The following RUBCN variants were observed in gnomAD, a reference collection of about 807,000 sequenced individuals.
RUBCN encodes rubicon autophagy regulator, also known as run domain Beclin-1-interacting and cysteine-rich domain-containing protein.
A neutral mutation model predicts 113.2 loss-of-function variants in RUBCN; 74 were observed. That is an observed-to-expected ratio of 0.65 (90% CI 0.54 to 0.79). The LOEUF (loss-of-function observed/expected upper bound fraction) is 0.79. Ranked by LOEUF, RUBCN falls within the 30% of genes least tolerant of loss-of-function variation. The probability of loss-of-function intolerance (pLI) is 0.00; values close to 1 mark genes in which losing one functional copy is unlikely to be tolerated. For missense variants in RUBCN, 1,109 were observed against 1,251.7 expected (o/e 0.89, Z 1.72); for synonymous variants, 480 against 490.0 (o/e 0.98, Z 0.27).
chr3:197,693,222 CTG>C (rs1722625862), intron 11 of RUBCN, among the ~76,000 whole-genome samples: 1 of 152,218 alleles, frequency 6.6e-6, no homozygotes, highest in Admixed American at 6.5e-5. Flanking sequence ...GAGTCTGTGA[CTG>C]TGCTGAGCAG....
upstream of RUBCN, among the ~76,000 whole-genome samples, chr3:197,737,421 A>G (rs1045717444): frequency 6.6e-6 from 1 of 151,288 alleles, no homozygotes; most frequent in African/African-American, 2.4e-5. Flanking sequence ...GGGCTCTCGG[A>G]AGATGGATGT....
intron 16 of RUBCN, among the ~76,000 whole-genome samples, chr3:197,678,806 TG>T (rs1720807563): frequency 6.6e-6 from 1 of 150,538 alleles, no homozygotes; most frequent in South Asian, 2.1e-4. Flanking sequence ...TCCTACGCTC[TG>T]ACAACTGGCT....
At chr3:197,743,412 C>A (rs957626396) in intron 1 of RUBCN, among the ~76,000 whole-genome samples, 13 of 151,528 alleles carry the variant, frequency 8.6e-5, no homozygotes, top group African/African-American at 2.9e-4. Context: ...CAGTGTCTTG[C>A]ACATAGGAGG....
chr3:197,749,776 A>C (rs796592343), upstream of RUBCN: 5 of 557,174 alleles, frequency 9.0e-6, no homozygotes, highest in African/African-American at 7.7e-5. Flanking sequence ...GCTAGGAGCG[A>C]GTCACGGCGC....
intron 11 of RUBCN, among the ~76,000 whole-genome samples, chr3:197,686,599 T>G (rs964926660): frequency 1.3e-5 from 2 of 152,224 alleles, no homozygotes; most frequent in African/African-American, 4.8e-5. Context: ...GAAACCCTAC[T>G]GAAGATCTGG....
At chr3:197,703,446 G>C (rs529868230) in intron 5 of RUBCN, 102 bp downstream of exon 5, 58 of 357,224 alleles carry the variant, frequency 1.6e-4, no homozygotes, top group African/African-American at 1.3e-3. Context: ...AAGCCTTTCA[G>C]CTCACAAAAA....
At chr3:197,684,331 C>T (rs1051441807) in intron 11 of RUBCN, 114 bp from the exon 12 acceptor site, 2 of 813,762 alleles carry the variant, frequency 2.5e-6, no homozygotes, top group South Asian at 2.7e-5. Flanking sequence ...CCAGGTGCCA[C>T]ACTCTATGCA....
rs555955740 is a variant in RUBCN at position 197,749,523 on chromosome 3, T to A, written c.-370A>T. 2.3e-5 allele frequency: 30 copies of A among 1,290,342 alleles called. No individual in the cohort carries two copies. The African/African-American group carries it at 4.1e-4, about 18-fold the overall frequency. 79.9% of individuals were successfully genotyped at this position (1,290,342 alleles called of 1,614,324 possible). A position where few individuals can be genotyped will look rare whatever the true frequency, so the allele number is the denominator to read the frequency against. ...AATCTACACTCGCAGGGGTCTGTCCTGCCTCCCGAGGCTGCGTTGCGGTGG... is the reference window on the plus strand; with the variant it reads ...AATCTACACTCGCAGGGGTCTGTCCAGCCTCCCGAGGCTGCGTTGCGGTGG... On this transcript the variant is annotated 5_prime_UTR_variant, in exon 1 of 21. Transcript: ENST00000273582.
At position 197,676,908 on chromosome 3, in the gene RUBCN, C is replaced by T. The variant is rs183738683; in HGVS notation, c.2623G>A (p.Ala875Thr). The T allele has an allele frequency of 7.4e-4, 1,192 of 1,614,192 alleles. 2 individuals carry two copies. Among genetic ancestry groups the T allele is most frequent in the Admixed American group, 6.8e-4 (41 of 60,028 alleles). ...ACCATGCATCTCTCCACATGGGTAG[C>T]CCCTGCCCTGGTGAGCTCAGCAAGC... The part of the protein sequence containing the change: ...PRLAELTRAG[A>T]THVERCMLCQ... Residue 875 changes from alanine (A) to threonine (T), a missense_variant, in exon 18 of 20, where the codon GCT becomes ACT. Physicochemically the swap from Ala to Thr is moderately conservative, Grantham distance 58 (BLOSUM62 0). Coordinates refer to ENST00000296343, the MANE Select transcript of RUBCN (RefSeq NM_014687.4).
intron 16 of RUBCN, among the ~76,000 whole-genome samples, chr3:197,678,484 T>C (rs948455677): frequency 3.3e-4 from 49 of 147,814 alleles, no homozygotes; most frequent in Non-Finnish European, 7.3e-4. Context: ...TGTCCTACGC[T>C]CTAACTGACA....
chr3:197,702,636 C>A (rs1053665336), intron 5 of RUBCN, among the ~76,000 whole-genome samples: 3 of 151,900 alleles, frequency 2.0e-5, no homozygotes, highest in African/African-American at 7.3e-5. Flanking sequence ...GCATTCCAGC[C>A]CAGCCTGGAC....
chr3:197,674,949 C>A lies in RUBCN; in HGVS notation c.*69G>T. The A allele has an allele frequency of 1.4e-6, 2 of 1,440,246 alleles. No individual in the cohort carries two copies. Among genetic ancestry groups the A allele is most frequent in the South Asian group, 1.2e-5 (1 of 82,922 alleles). 89.2% of individuals were successfully genotyped at this position (1,440,246 alleles called of 1,614,324 possible). A position where few individuals can be genotyped will look rare whatever the true frequency, so the allele number is the denominator to read the frequency against. ...AAAAGAAGCCCCAGGTGGGGCGAGTCCTTCAAAGAGTGGCTCAGTTCTGCA... is the reference window on the plus strand; with the variant it reads ...AAAAGAAGCCCCAGGTGGGGCGAGTACTTCAAAGAGTGGCTCAGTTCTGCA... On this transcript the variant is annotated 3_prime_UTR_variant, in exon 20 of 20. Transcript: ENST00000296343.
In RUBCN at chr3:197,674,889, A is replaced by G. The variant is rs1358901204; in HGVS notation, c.*129T>C. 1.3e-6 allele frequency: 1 copy of G among 777,868 alleles called. No homozygotes were observed. Among genetic ancestry groups the G allele is most frequent in the Non-Finnish European group, 1.9e-6 (1 of 516,102 alleles). 48.2% of individuals were successfully genotyped at this position (777,868 alleles called of 1,614,324 possible). ...ACGTCAGACAAGTCAGTAAAAAAAAAAAAAAAGATGATGATAATTAAAAAA... is the reference window on the plus strand; with the variant it reads ...ACGTCAGACAAGTCAGTAAAAAAAAGAAAAAAGATGATGATAATTAAAAAA... On this transcript the variant is annotated 3_prime_UTR_variant, in exon 20 of 20. Transcript: ENST00000296343.
At position 197,681,018 on chromosome 3, in the gene RUBCN, G is replaced by A. The variant is rs1721159988; in HGVS notation, c.2430+111C>T. On this transcript the variant is annotated intron_variant, in intron 16 of 19. Coordinates refer to ENST00000296343, the MANE Select transcript of RUBCN (RefSeq NM_014687.4). This position sits in a 1 kb window ranked among gnomAD's most constrained non-coding sequence, Gnocchi z 5.5. ...GAGAGGAGACGAGGGGAGGGGATGG[G>A]GGGAGGGGACAAGAGGAGGGGATGG... is the stretch of plus-strand genomic sequence containing the variant. The A allele has an allele frequency of 1.3e-4, 84 of 650,352 alleles. 2 individuals carry two copies. Among genetic ancestry groups the A allele is most frequent in the South Asian group, 1.2e-3 (79 of 63,316 alleles). 40.3% of individuals were successfully genotyped at this position (650,352 alleles called of 1,614,324 possible). A position where few individuals can be genotyped will look rare whatever the true frequency, so the allele number is the denominator to read the frequency against.
intron 1 of RUBCN, among the ~76,000 whole-genome samples, chr3:197,734,559 G>A (rs910185268): frequency 4.6e-5 from 7 of 152,038 alleles, no homozygotes; most frequent in African/African-American, 9.7e-5. Flanking sequence ...CAGTAGTACC[G>A]ACCACATACA....
Position 197,681,043 on chromosome 3 carries a change from G to A in RUBCN, c.2430+86C>T. The A allele has an allele frequency of 5.7e-6, 4 of 699,354 alleles. No individual in the cohort carries two copies. The highest frequency in any genetic ancestry group is 1.0e-5 in the Non-Finnish European group (4 of 394,286). The allele number at this position is 699,354 out of a possible 1,614,324, so 43.3% of individuals were successfully genotyped here. On this transcript the variant is annotated intron_variant, in intron 16 of 19. Coordinates refer to ENST00000296343, the MANE Select transcript of RUBCN (RefSeq NM_014687.4). This position sits in a 1 kb window ranked among gnomAD's most constrained non-coding sequence, Gnocchi z 5.5. The stretch of plus-strand genomic sequence containing the variant: ...GGGGAGGGGACAAGAGGAGGGGATG[G>A]GGGGAGGGGACGGGGGAGGGACGAG...
At chr3:197,732,361 T>C (rs1192088618) in intron 1 of RUBCN, among the ~76,000 whole-genome samples, 3 of 152,246 alleles carry the variant, frequency 2.0e-5, no homozygotes, top group Non-Finnish European at 2.9e-5. Context: ...TCTCCCAGGC[T>C]GGAGTGCAGT....
Position 197,669,825 on chromosome 3 carries a change from C to T in RUBCN, c.*5193G>A, listed in dbSNP as rs569411501. Among the ~76,000 whole-genome samples, 1 of 152,192 alleles carries T rather than the reference C, an allele frequency of 6.6e-6. No homozygotes were observed. The highest frequency in any genetic ancestry group is 1.5e-5 in the Non-Finnish European group (1 of 68,036). On this transcript the variant is annotated 3_prime_UTR_variant, in exon 20 of 20. Transcript: ENST00000296343. ...GACTAATAAATATATATTTGACATA[C>T]ACTTTTTCTAACTTCTTCTCACATA...
chr3:197,720,931 T>A (rs886988707), intron 1 of RUBCN, among the ~76,000 whole-genome samples: 2 of 152,302 alleles, frequency 1.3e-5, no homozygotes, highest in East Asian at 3.9e-4. Flanking sequence ...ACCAGCAGCG[T>A]GTAAGGGTTC....
Sources: allele counts gnomAD v4.1 joint callset (sites outside exome capture counted in the v4.1 genomes callset), GRCh38; gene constraint gnomAD v4.1.1; non-coding constraint Gnocchi (gnomAD v3.1); transcripts MANE v1.5; gene names NCBI Gene and HGNC (gene_info 2026-07-23, HGNC 2026-07-21).